GGTA1: variants seen among roughly 807,000 people sequenced by gnomAD.
GGTA1 encodes inactive N-acetyllactosaminide alpha-1,3-galactosyltransferase.
Under a neutral mutation model 2.6 loss-of-function variants are expected in GGTA1, and 5 were observed. The ratio of observed to expected loss-of-function variants is 1.92; its 90% CI spans 1.00 to 4.04. The LOEUF (loss-of-function observed/expected upper bound fraction) is 4.04. Among genes scored for constraint, GGTA1 ranks in the 30% most tolerant of loss-of-function variants. GGTA1 has a pLI of 0.00. For synonymous variants in GGTA1, 17 were observed against 5.0 expected, an observed-to-expected ratio of 3.38 and a Z score of -3.19; for missense variants, 50 against 16.7, an observed-to-expected ratio of 2.99 and a Z score of -3.47.
rs116386798 is a variant in GGTA1 at position 121,455,739 on chromosome 9, G to A, written c.*98C>T. ...ATCTCGCAGTCCCAACAGGTGGTCC[G>A]CCTGTTACACACTCCTTAACCGCAT... On this transcript the variant is annotated 3_prime_UTR_variant, in exon 6 of 6. Coordinates refer to ENST00000481799, the MANE Select transcript of GGTA1 (RefSeq NM_001382585.1). 1,448 of 404,000 alleles carry A rather than the reference G, an allele frequency of 3.6e-3. 17 individuals carry two copies. The highest frequency in any genetic ancestry group is 0.028 in the African/African-American group (1,341 of 48,160). 25.0% of individuals were successfully genotyped at this position (404,000 alleles called of 1,614,324 possible). A position where few individuals can be genotyped will look rare whatever the true frequency, so the allele number is the denominator to read the frequency against.
downstream of GGTA1, among the ~76,000 whole-genome samples, chr9:121,453,573 C>T (rs564820763): frequency 4.6e-5 from 7 of 152,340 alleles, no homozygotes; most frequent in South Asian, 1.5e-3. Flanking sequence ...CCAGTATGGG[C>T]CTGGCACCCT....
intron 1 of GGTA1, among the ~76,000 whole-genome samples, chr9:121,485,381 T>C (rs1040604367): frequency 8.5e-5 from 13 of 152,108 alleles, no homozygotes; most frequent in Middle Eastern, 3.4e-3. Flanking sequence ...CCAGGCAGCC[T>C]CCTTCAGAAC....
At chr9:121,479,831 G>A (rs1394754445) in intron 1 of GGTA1, among the ~76,000 whole-genome samples, 9 of 152,164 alleles carry the variant, frequency 5.9e-5, no homozygotes, top group Admixed American at 5.9e-4. Flanking sequence ...TTAGGCTTCA[G>A]AAGTCGCTGT....
downstream of GGTA1, among the ~76,000 whole-genome samples, chr9:121,454,493 A>G (rs139148547): frequency 1.3e-5 from 2 of 152,266 alleles, no homozygotes; most frequent in Non-Finnish European, 2.9e-5. Context: ...TTTGATTCCC[A>G]TTTTATCAAT....
intron 1 of GGTA1, among the ~76,000 whole-genome samples, chr9:121,474,213 C>T (rs1468246890): frequency 2.0e-5 from 3 of 152,054 alleles, no homozygotes; most frequent in Admixed American, 2.0e-4. Flanking sequence ...GCACAGCCTG[C>T]AATGGTCCAG....
intron 1 of GGTA1, among the ~76,000 whole-genome samples, chr9:121,493,748 CTTTTTTTTTTTTTTTTT>C (rs35465171): frequency 1.9e-4 from 7 of 36,560 alleles, no homozygotes; most frequent in Non-Finnish European, 3.3e-4. Flanking sequence ...GACTCACTCT[CTTTTTTTTTTTTTTTTT>C]TTTTTTTTTG....
chr9:121,490,924 C>T (rs1337774472), intron 1 of GGTA1, among the ~76,000 whole-genome samples: 1 of 152,172 alleles, frequency 6.6e-6, no homozygotes, highest in Non-Finnish European at 1.5e-5. Context: ...CTGAGCACTT[C>T]CTATGTTGAA....
intron 1 of GGTA1, among the ~76,000 whole-genome samples, chr9:121,477,782 G>A (rs991111729): frequency 6.6e-6 from 1 of 151,930 alleles, no homozygotes; most frequent in Middle Eastern, 3.4e-3. Context: ...GTTTCACCAT[G>A]TTGGCCATGA....
intron 1 of GGTA1, among the ~76,000 whole-genome samples, chr9:121,490,703 C>T (rs1445965363): frequency 6.6e-6 from 1 of 152,222 alleles, no homozygotes; most frequent in African/African-American, 2.4e-5. Flanking sequence ...AGCTCCTATA[C>T]AAGACCTTGT....
chr9:121,454,740 C>T (rs144158349), downstream of GGTA1, among the ~76,000 whole-genome samples: 64 of 152,228 alleles, frequency 4.2e-4, no homozygotes, highest in African/African-American at 1.4e-3. Context: ...AAGCCGGGCG[C>T]GGTGGCTCAT....
intron 7 of GGTA1, among the ~76,000 whole-genome samples, chr9:121,449,906 G>GC (rs1033103907): frequency 4.6e-5 from 7 of 151,312 alleles, no homozygotes; most frequent in Non-Finnish European, 7.4e-5. Context: ...TCTTCTGTAA[G>GC]CCTAAGCTAT....
intron 2 of GGTA1, among the ~76,000 whole-genome samples, chr9:121,464,771 T>TA (rs1437990377): frequency 6.6e-6 from 1 of 152,226 alleles, no homozygotes; most frequent in Non-Finnish European, 1.5e-5. Flanking sequence ...TCTAATTCTC[T>TA]AAAATTCGAA....
At chr9:121,499,090 T>C (rs1284403540) in intron 1 of GGTA1, among the ~76,000 whole-genome samples, 1 of 151,996 alleles carries the variant, frequency 6.6e-6, no homozygotes, top group East Asian at 1.9e-4. Context: ...ACTTTCCCCA[T>C]GCTGGGCGTC....
At chr9:121,496,757 A>AAAAAAAAAAAAAAAAAAAAAAAAAAAAAG (rs1554838784) in intron 1 of GGTA1, among the ~76,000 whole-genome samples, 1 of 111,914 alleles carries the variant, frequency 8.9e-6, no homozygotes, top group Non-Finnish European at 2.1e-5. Context: ...AAAAAAAAAA[A>AAAAAAAAAAAAAAAAAAAAAAAAAAAAAG]AGAGAGAGAG....
At chr9:121,450,026 T>C (rs971692818) in intron 7 of GGTA1, among the ~76,000 whole-genome samples, 2 of 152,178 alleles carry the variant, frequency 1.3e-5, no homozygotes, top group Non-Finnish European at 1.5e-5. Flanking sequence ...GAATTTAATG[T>C]GCTGATCACA....
At chr9:121,466,749 T>C (rs2065007460) in intron 2 of GGTA1, among the ~76,000 whole-genome samples, 1 of 151,994 alleles carries the variant, frequency 6.6e-6, no homozygotes, top group Non-Finnish European at 1.5e-5. Flanking sequence ...GGTCAGGAGT[T>C]CAAGACCAGC....
chr9:121,466,444 A>T (rs2065005512), intron 2 of GGTA1, among the ~76,000 whole-genome samples: 1 of 152,152 alleles, frequency 6.6e-6, no homozygotes, highest in Non-Finnish European at 1.5e-5. Flanking sequence ...AGACCCTTTT[A>T]ACTTGGTCAC....
downstream of GGTA1, among the ~76,000 whole-genome samples, chr9:121,450,662 C>T (rs993342963): frequency 2.0e-5 from 3 of 152,184 alleles, no homozygotes; most frequent in Non-Finnish European, 2.9e-5. Flanking sequence ...CAATCTGCAA[C>T]GTGGCTGGGT....
chr9:121,464,778 C>T (rs1032296538), intron 2 of GGTA1, among the ~76,000 whole-genome samples: 8 of 152,090 alleles, frequency 5.3e-5, no homozygotes, highest in Admixed American at 3.9e-4. Context: ...CTCTAAAATT[C>T]GAAGATTATT....
Sources: gnomAD v4.1 joint callset for allele counts (sites outside exome capture counted in the v4.1 genomes callset) on GRCh38, gnomAD v4.1.1 for gene constraint, MANE v1.5 for transcripts, NCBI Gene and HGNC (gene_info 2026-07-23, HGNC 2026-07-21) for gene names.